Variants in ENTREP2 observed in about 807,000 individuals in gnomAD.
The protein encoded by ENTREP2 is protein ENTREP2.
At chr15:29,198,192 A>AG in the ENTREP2 span, among the ~76,000 whole-genome samples, 4 of 152,198 alleles carry the variant, frequency 2.6e-5, no homozygotes, top group Non-Finnish European at 5.9e-5. Context: ...TAGAGGTGTC[A>AG]GCTTGCAGCT....
At chr15:29,274,764 A>G in the ENTREP2 span, among the ~76,000 whole-genome samples, 1 of 152,224 alleles carries the variant, frequency 6.6e-6, no homozygotes, top group Admixed American at 6.5e-5. Flanking sequence ...AATATAAAAT[A>G]GATTAACAGG....
the ENTREP2 span, chr15:29,120,819 G>A: frequency 1.3e-5 from 2 of 152,310 alleles, no homozygotes; most frequent in Non-Finnish European, 2.9e-5. Context: ...GTGAGCTGAC[G>A]TGCAGCCCGG....
chr15:29,143,559 A>C, the ENTREP2 span, among the ~76,000 whole-genome samples: 1 of 152,200 alleles, frequency 6.6e-6, no homozygotes, highest in Non-Finnish European at 1.5e-5. Context: ...GCACCAGAGA[A>C]GGGCCGTGGG....
chr15:29,667,813 T>C, the ENTREP2 span, among the ~76,000 whole-genome samples: 1 of 152,116 alleles, frequency 6.6e-6, no homozygotes, highest in Admixed American at 6.5e-5. Flanking sequence ...ACATATGTTT[T>C]TGGGAGACAC....
the ENTREP2 span, among the ~76,000 whole-genome samples, chr15:29,279,726 T>C: frequency 1.3e-5 from 2 of 152,160 alleles, no homozygotes. Flanking sequence ...TACTGACATC[T>C]TAAAATTAAG....
the ENTREP2 span, among the ~76,000 whole-genome samples, chr15:29,458,153 G>A: frequency 6.6e-6 from 1 of 152,272 alleles, no homozygotes; most frequent in South Asian, 2.1e-4. Context: ...AAAGGCCTGA[G>A]GACAGGGTCC....
At chr15:29,359,895 T>C in the ENTREP2 span, among the ~76,000 whole-genome samples, 1 of 152,206 alleles carries the variant, frequency 6.6e-6, no homozygotes, top group South Asian at 2.1e-4. Flanking sequence ...TGTTTCAACT[T>C]CATCCCACTA....
At chr15:29,646,253 C>T in the ENTREP2 span, among the ~76,000 whole-genome samples, 374 of 152,292 alleles carry the variant, frequency 2.5e-3, 1 homozygote, top group Middle Eastern at 3.4e-3. Context: ...GTCAGAAGTC[C>T]AGGTGGCTTG....
the ENTREP2 span, among the ~76,000 whole-genome samples, chr15:29,176,112 C>T: frequency 2.0e-5 from 3 of 152,226 alleles, no homozygotes; most frequent in South Asian, 2.1e-4. Context: ...ATTAGCCTTT[C>T]GCCTCTTGAG....
the ENTREP2 span, among the ~76,000 whole-genome samples, chr15:29,635,220 G>A: frequency 5.3e-5 from 8 of 152,246 alleles, no homozygotes; most frequent in East Asian, 1.2e-3. Context: ...CCACGTTGGG[G>A]GGTTGGGCTG....
the ENTREP2 span, among the ~76,000 whole-genome samples, chr15:29,496,525 CAT>C: frequency 6.6e-6 from 1 of 152,018 alleles, no homozygotes; most frequent in Non-Finnish European, 1.5e-5. Flanking sequence ...AGCTCTCAAC[CAT>C]TTATGGTTGA....
At chr15:29,570,988 C>A in the ENTREP2 span, among the ~76,000 whole-genome samples, 1 of 145,484 alleles carries the variant, frequency 6.9e-6, no homozygotes, top group Non-Finnish European at 1.5e-5. Context: ...CTCCCCCGCC[C>A]GCCCCGCGCG....
the ENTREP2 span, among the ~76,000 whole-genome samples, chr15:29,636,551 C>T: frequency 0.013 from 1,961 of 152,322 alleles, 52 homozygotes; most frequent in African/African-American, 0.045. Context: ...TTGTCTGCTA[C>T]ACAGCAATAT....
the ENTREP2 span, chr15:29,269,729 C>A: frequency 3.9e-5 from 58 of 1,493,548 alleles, no homozygotes; most frequent in Non-Finnish European, 5.0e-5. Flanking sequence ...GGTGCCGGCG[C>A]ACACTCCGGT....
chr15:29,641,103 A>G, the ENTREP2 span, among the ~76,000 whole-genome samples: 2 of 152,242 alleles, frequency 1.3e-5, no homozygotes, highest in African/African-American at 4.8e-5. Context: ...GCAAAAAAGC[A>G]CTTGGTAAAA....
the ENTREP2 span, among the ~76,000 whole-genome samples, chr15:29,242,619 A>C: frequency 2.0e-5 from 3 of 152,188 alleles, no homozygotes; most frequent in Non-Finnish European, 4.4e-5. Context: ...GTTGGGAGGC[A>C]CTCAGTGGTT....
At chr15:29,496,093 T>C in the ENTREP2 span, among the ~76,000 whole-genome samples, 2 of 152,058 alleles carry the variant, frequency 1.3e-5, no homozygotes, top group African/African-American at 4.8e-5. Context: ...CAATGTTTCA[T>C]AGTTTTTGGT....
the ENTREP2 span, among the ~76,000 whole-genome samples, chr15:29,626,482 C>T: frequency 1.3e-5 from 2 of 152,154 alleles, no homozygotes; most frequent in Non-Finnish European, 2.9e-5. Context: ...TGCGAGGCCT[C>T]CCAGCCATGT....
chr15:29,488,975 G>A, the ENTREP2 span, among the ~76,000 whole-genome samples: 2 of 152,306 alleles, frequency 1.3e-5, no homozygotes, highest in African/African-American at 2.4e-5. Flanking sequence ...GGGAAATAGG[G>A]AGAAACAATT....
Sources: gnomAD v4.1 joint callset for allele counts (sites outside exome capture counted in the v4.1 genomes callset) on GRCh38, gnomAD v4.1.1 for gene constraint, MANE v1.5 for transcripts, NCBI Gene and HGNC (gene_info 2026-07-23, HGNC 2026-07-21) for gene names.